Variants in PRDM16 observed in about 807,000 individuals in gnomAD.
PRDM16 encodes the protein PR/SET domain 16, also known as histone-lysine N-methyltransferase PRDM16.
Under a neutral mutation model 110.6 loss-of-function variants are expected in PRDM16, and 23 were observed. The ratio of observed to expected loss-of-function variants is 0.21; its 90% CI spans 0.15 to 0.29. PRDM16 has a LOEUF of 0.29. Ranked by LOEUF, PRDM16 falls within the 10% of genes least tolerant of loss-of-function variation. The pLI is 1.00. For synonymous variants in PRDM16, 799 were observed against 781.8 expected (o/e 1.02, Z -0.37); for missense variants, 1,615 against 1,794.3 (o/e 0.90, Z 1.81).
chr1:3,181,232 G>GGTCTTACACACA (rs1461748832), intron 1 of PRDM16, among the ~76,000 whole-genome samples: 4 of 78,190 alleles, frequency 5.1e-5, no homozygotes, highest in Non-Finnish European at 3.0e-5. Context: ...TCTTACACAC[G>GGTCTTACACACA]GTCTTACACA....
intron 3 of PRDM16, among the ~76,000 whole-genome samples, chr1:3,253,301 T>C (rs545141213): frequency 3.0e-4 from 46 of 151,726 alleles, no homozygotes; most frequent in East Asian, 2.9e-3. Context: ...TGGTGTGCTG[T>C]ACCCAATAAC....
chr1:3,193,299 C>G (rs75445914), intron 2 of PRDM16, among the ~76,000 whole-genome samples: 3 of 152,236 alleles, frequency 2.0e-5, no homozygotes, highest in African/African-American at 2.4e-5. Flanking sequence ...GCCCGGCCCC[C>G]CAAGGGGATG....
chr1:3,178,092 G>A (rs1027683738), intron 1 of PRDM16, among the ~76,000 whole-genome samples: 5 of 152,166 alleles, frequency 3.3e-5, no homozygotes, highest in African/African-American at 9.7e-5. Context: ...ATGATGGCCC[G>A]GTGTTTGGCG....
chr1:3,215,780 C>A (rs915310289), intron 2 of PRDM16, among the ~76,000 whole-genome samples: 14 of 152,152 alleles, frequency 9.2e-5, no homozygotes, highest in Admixed American at 7.9e-4. Flanking sequence ...TCAGCTCTCA[C>A]AAATTCTGCC....
At position 3,142,698 on chromosome 1, in the gene PRDM16, G is replaced by A. The variant is rs542058213; in HGVS notation, c.38-43427G>A. Among the ~76,000 whole-genome samples the A allele has an allele frequency of 2.6e-5, 4 of 152,258 alleles. No homozygotes were observed. In the East Asian group the frequency reaches 5.8e-4, roughly 22 times the overall value. ...GGATTCCCAAGCCTCGTGCTCCCCC[G>A]AGAGCGGGTAATTACCTGGATGTGG... is the stretch of plus-strand genomic sequence containing the variant. On this transcript the variant is annotated intron_variant, in intron 1 of 16. Coordinates refer to ENST00000270722, the MANE Select transcript of PRDM16 (RefSeq NM_022114.4).
At chr1:3,139,300 G>C (rs1046080801) in intron 1 of PRDM16, among the ~76,000 whole-genome samples, 10 of 152,202 alleles carry the variant, frequency 6.6e-5, no homozygotes, top group African/African-American at 2.2e-4. Context: ...TCCTCCTGGA[G>C]CCGAGCCGTG....
intron 3 of PRDM16, among the ~76,000 whole-genome samples, chr1:3,299,269 C>T (rs1179551191): frequency 6.7e-6 from 1 of 150,032 alleles, no homozygotes. Context: ...CGTGGTGGCT[C>T]TGCCCTTGTT....
chr1:3,411,571 C>T lies in PRDM16; in HGVS notation c.1374C>T (p.Ala458=), dbSNP rs1314590374. ...ATTACACGCCGGGCGGCATCTTTGC[C>T]CCGGGCCTGCCCTTGACCCCCAGCC... is the stretch of plus-strand genomic sequence containing the variant. ...KNHYTPGGIF[A]PGLPLTPSPM... Residue 458 remains alanine, a synonymous_variant, in exon 9 of 17, where the codon GCC becomes GCT. Transcript: ENST00000270722. 4 of 1,613,992 alleles carry T rather than the reference C, an allele frequency of 2.5e-6. No homozygotes were observed. The highest frequency in any genetic ancestry group is 1.7e-6 in the Non-Finnish European group (2 of 1,180,038).
intron 3 of PRDM16, among the ~76,000 whole-genome samples, chr1:3,325,996 G>GC (rs150700597): frequency 2.8e-4 from 39 of 139,830 alleles, no homozygotes; most frequent in East Asian, 1.7e-3. Flanking sequence ...ACCATCCTTG[G>GC]CCCCCCTTGG....
chr1:3,411,770 C>T lies in PRDM16; in HGVS notation c.1573C>T (p.Arg525Trp), dbSNP rs369644938. The part of the protein sequence containing the change: ...PGIFPPSLYP[R>W]PPLLPPTSLL... Reference sequence around the variant, plus strand: ...CATCTTCCCTCCATCCTTGTACCCCCGGCCGCCTCTGCTACCTCCCACATC... The same window carrying T: ...CATCTTCCCTCCATCCTTGTACCCCTGGCCGCCTCTGCTACCTCCCACATC... The change falls in exon 9 of 17, where the codon CGG (arginine) becomes TGG (tryptophan). Residue 525 changes from arginine to tryptophan, a missense_variant. This residue lies in a region of PRDM16 where 772 missense variants were observed against 748.3 expected (regional missense o/e 1.03). Transcript: ENST00000270722. 66 of 1,611,724 alleles carry T rather than the reference C, an allele frequency of 4.1e-5. No homozygotes were observed. The highest frequency in any genetic ancestry group is 5.6e-5 in the Non-Finnish European group (66 of 1,179,716).
intron 3 of PRDM16, among the ~76,000 whole-genome samples, chr1:3,266,639 T>C (rs1640301421): frequency 6.6e-6 from 1 of 152,200 alleles, no homozygotes; most frequent in Non-Finnish European, 1.5e-5. Flanking sequence ...GCTCCCACGC[T>C]CCAGCAGACC....
rs762328436 is a variant in PRDM16, at chr1:3,402,892, C to T, written c.778C>T (p.Leu260Phe). ...KYTCGSVGAA[L>F]YEGLAEELKP... ...CACGTGTGGCTCAGTGGGGGCTGCGCTCTACGAGGGCCTGGCTGAGGAGCT... is the reference window on the plus strand; with the variant it reads ...CACGTGTGGCTCAGTGGGGGCTGCGTTCTACGAGGGCCTGGCTGAGGAGCT... The change falls in exon 6 of 17, where the codon CTC becomes TTC. Residue 260 changes from leucine (L) to phenylalanine (F), a missense_variant. Leu to Phe is a conservative substitution (Grantham distance 22). Around this residue, in one of 5 missense-constraint regions of PRDM16, gnomAD observed 416 missense variants for 467.1 expected, o/e 0.89. Transcript: ENST00000270722. 2 of 1,613,040 alleles carry T rather than the reference C, an allele frequency of 1.2e-6. No homozygotes were observed. Among genetic ancestry groups the T allele is most frequent in the Non-Finnish European group, 1.7e-6 (2 of 1,179,998 alleles).
intron 3 of PRDM16, among the ~76,000 whole-genome samples, chr1:3,313,545 C>T (rs887914387): frequency 3.9e-5 from 6 of 152,248 alleles, no homozygotes; most frequent in Non-Finnish European, 7.3e-5. Flanking sequence ...TGAATGGAAA[C>T]TTGTATCCAA....
In PRDM16 at chr1:3,437,930, A is replaced by T. The variant is rs1227480749; in HGVS notation, c.*4119A>T. 1 of 219,812 alleles carries T rather than the reference A, an allele frequency of 4.5e-6. No homozygotes were observed. Among genetic ancestry groups the T allele is most frequent in the Non-Finnish European group, 9.1e-6 (1 of 109,620 alleles). 13.6% of individuals were successfully genotyped at this position (219,812 alleles called of 1,614,324 possible). On this transcript the variant is annotated 3_prime_UTR_variant, in exon 17 of 17. Coordinates refer to ENST00000270722, the MANE Select transcript of PRDM16 (RefSeq NM_022114.4). ...TAATTTAAAGCGTGTGTGTATATGG[A>T]CTTTGTCCCTTAAGGTCGATATAAA...
chr1:3,186,152 A>T lies in PRDM16; in HGVS notation c.65A>T (p.Tyr22Phe). 1.2e-6 allele frequency: 2 copies of T among 1,612,710 alleles called. No individual in the cohort carries two copies. The highest frequency in any genetic ancestry group is 1.7e-6 in the Non-Finnish European group (2 of 1,179,908). ...GACGGTGACGTTGTAAATAATATGT[A>T]TGAGCCCAACCGGGACCTGCTGGCC... Reference protein sequence around the residue: ...KSDGDVVNNMYEPNRDLLASH... With the variant: ...KSDGDVVNNMFEPNRDLLASH... Residue 22 changes from tyrosine (Y) to phenylalanine (F), a missense_variant, in exon 2 of 17, where the codon TAT becomes TTT. Around this residue, in one of 5 missense-constraint regions of PRDM16, gnomAD observed 416 missense variants for 467.1 expected, o/e 0.89. Transcript: ENST00000270722.
At position 3,382,769 on chromosome 1, in the gene PRDM16, G is replaced by A. The variant is rs553026318; in HGVS notation, c.439-2383G>A. Among the ~76,000 whole-genome samples, 1 of 152,316 alleles carries A rather than the reference G, an allele frequency of 6.6e-6. No individual in the cohort carries two copies. Among genetic ancestry groups the A allele is most frequent in the East Asian group, 1.9e-4 (1 of 5,166 alleles). ...CTCCAGCTTTGAAGACAAAAATCCGGGTCCCAGGTGGGAGGGCACGGCCCG... is the reference window on the plus strand; with the variant it reads ...CTCCAGCTTTGAAGACAAAAATCCGAGTCCCAGGTGGGAGGGCACGGCCCG... On this transcript the variant is annotated intron_variant, in intron 3 of 16. Transcript: ENST00000270722. This position sits in a 1 kb window ranked among gnomAD's most constrained non-coding sequence, Gnocchi z 6.6.
chr1:3,405,698 G>T, intron 8 of PRDM16, 50 bp downstream of exon 8: 1 of 1,498,128 alleles, frequency 6.7e-7, no homozygotes, highest in South Asian at 1.3e-5. Context: ...CGCGGATGCC[G>T]TGGCGGTCGG....
intron 2 of PRDM16, among the ~76,000 whole-genome samples, chr1:3,220,981 A>G (rs1207970361): frequency 6.6e-6 from 1 of 152,206 alleles, no homozygotes; most frequent in South Asian, 2.1e-4. Context: ...AGGCCACTTG[A>G]TGCTCAGACT....
chr1:3,098,890 G>A (rs967873013), intron 1 of PRDM16, among the ~76,000 whole-genome samples: 2 of 152,176 alleles, frequency 1.3e-5, no homozygotes, highest in Non-Finnish European at 2.9e-5. Context: ...CCCAGCCATG[G>A]TGCTGCCTCC....
Sources: gnomAD v4.1 joint callset for allele counts (sites outside exome capture counted in the v4.1 genomes callset) on GRCh38, gnomAD v4.1.1 for gene constraint, gnomAD v4.1.1 regional missense constraint, Gnocchi (gnomAD v3.1) non-coding constraint, MANE v1.5 for transcripts, NCBI Gene and HGNC (gene_info 2026-07-23, HGNC 2026-07-21) for gene names.